HS3ST4: variants seen among roughly 807,000 people sequenced by gnomAD.
The protein encoded by HS3ST4 is heparan sulfate glucosamine 3-O-sulfotransferase 4.
Under a neutral mutation model 29.2 loss-of-function variants are expected in HS3ST4, and 17 were observed. That is an observed-to-expected ratio of 0.58 (90% confidence interval 0.40 to 0.87). HS3ST4 has a LOEUF of 0.87. Ranked by LOEUF, HS3ST4 falls within the 40% of genes least tolerant of loss-of-function variation. The pLI, the probability that HS3ST4 is intolerant of heterozygous loss-of-function variation, is 0.00. For missense variants in HS3ST4, 627 were observed against 634.5 expected, an observed-to-expected ratio of 0.99 and a Z score of 0.13; for synonymous variants, 314 against 285.7, an observed-to-expected ratio of 1.10 and a Z score of -1.00.
intron 1 of HS3ST4, among the ~76,000 whole-genome samples, chr16:26,116,578 TC>T (rs35632670): frequency 0.1 from 15,189 of 152,224 alleles, 950 homozygotes; most frequent in Admixed American, 0.17. Context: ...AAATATTGAG[TC>T]CATGATAGCA....
At chr16:25,699,966 T>C (rs535341030) in intron 1 of HS3ST4, among the ~76,000 whole-genome samples, 130 of 152,308 alleles carry the variant, frequency 8.5e-4, no homozygotes, top group African/African-American at 3.0e-3. Flanking sequence ...TTTTCTCTCT[T>C]ACTCTTCTCC....
At chr16:25,882,543 T>C in intron 1 of HS3ST4, among the ~76,000 whole-genome samples, 1 of 152,144 alleles carries the variant, frequency 6.6e-6, no homozygotes, top group Admixed American at 6.5e-5. Flanking sequence ...AACTGTATAA[T>C]GAAGGCATGT....
intron 1 of HS3ST4, among the ~76,000 whole-genome samples, chr16:26,003,494 C>A (rs558572921): frequency 6.6e-6 from 1 of 152,188 alleles, no homozygotes; most frequent in Non-Finnish European, 1.5e-5. Flanking sequence ...TTCCTGTTGA[C>A]TTTATTCTCA....
At chr16:25,823,895 T>G (rs147280973) in intron 1 of HS3ST4, among the ~76,000 whole-genome samples, 1 of 152,178 alleles carries the variant, frequency 6.6e-6, no homozygotes. Flanking sequence ...TATTCTCTTA[T>G]TTTTTGCCTT....
At chr16:25,841,919 T>C (rs1967417274) in intron 1 of HS3ST4, among the ~76,000 whole-genome samples, 1 of 152,262 alleles carries the variant, frequency 6.6e-6, no homozygotes, top group Non-Finnish European at 1.5e-5. Context: ...TAGAGGCTTA[T>C]AATCAGTACA....
intron 1 of HS3ST4, among the ~76,000 whole-genome samples, chr16:25,737,715 C>T (rs1477503630): frequency 6.6e-6 from 1 of 152,150 alleles, no homozygotes; most frequent in Non-Finnish European, 1.5e-5. Flanking sequence ...CACAACTGTA[C>T]TTGTACCCCT....
intron 1 of HS3ST4, among the ~76,000 whole-genome samples, chr16:26,018,669 G>T (rs955837728): frequency 6.6e-6 from 1 of 152,086 alleles, no homozygotes; most frequent in Non-Finnish European, 1.5e-5. Context: ...CTACTTTTGA[G>T]CATTTAACAT....
At chr16:25,843,818 G>C (rs1967439041) in intron 1 of HS3ST4, among the ~76,000 whole-genome samples, 1 of 152,184 alleles carries the variant, frequency 6.6e-6, no homozygotes, top group Non-Finnish European at 1.5e-5. Flanking sequence ...GCAAGTCTTA[G>C]ACTGCATTAT....
At chr16:25,708,241 G>A (rs531609649) in intron 1 of HS3ST4, among the ~76,000 whole-genome samples, 5 of 152,330 alleles carry the variant, frequency 3.3e-5, no homozygotes, top group South Asian at 2.1e-4. Flanking sequence ...GATACAAAAC[G>A]AGTGGCTCCT....
intron 1 of HS3ST4, among the ~76,000 whole-genome samples, chr16:25,903,329 G>GTATATGTATATATTATATATA (rs1567268714): frequency 2.0e-4 from 27 of 132,380 alleles, no homozygotes; most frequent in African/African-American, 7.4e-4. Flanking sequence ...TTATATATAT[G>GTATATGTATATATTATATATA]TATATGTATA....
chr16:25,891,736 C>A (rs910047073), intron 1 of HS3ST4, among the ~76,000 whole-genome samples: 3 of 152,152 alleles, frequency 2.0e-5, no homozygotes, highest in Middle Eastern at 3.2e-3. Context: ...TTTGTTGCCT[C>A]CATCTTTGGG....
At chr16:25,727,024 G>A (rs1302598601) in intron 1 of HS3ST4, among the ~76,000 whole-genome samples, 1 of 152,068 alleles carries the variant, frequency 6.6e-6, no homozygotes, top group Non-Finnish European at 1.5e-5. Context: ...CACTTCAAAT[G>A]CTCAAGCTAT....
intron 1 of HS3ST4, among the ~76,000 whole-genome samples, chr16:25,924,666 T>G (rs1325138383): frequency 6.6e-6 from 1 of 152,354 alleles, no homozygotes; most frequent in Non-Finnish European, 1.5e-5. Context: ...CTGCCTCTCC[T>G]GGCTTGCCTT....
intron 1 of HS3ST4, among the ~76,000 whole-genome samples, chr16:26,040,815 C>T (rs1365374633): frequency 2.6e-5 from 4 of 152,094 alleles, no homozygotes; most frequent in Non-Finnish European, 1.5e-5. Flanking sequence ...ATTTATACTT[C>T]CTGTATGCTA....
intron 1 of HS3ST4, among the ~76,000 whole-genome samples, chr16:25,931,406 C>T (rs1196565723): frequency 1.3e-5 from 2 of 152,214 alleles, no homozygotes; most frequent in Non-Finnish European, 2.9e-5. Context: ...TTAGGGGATG[C>T]ATTTTTATTT....
chr16:26,011,740 C>T (rs1475536786), intron 1 of HS3ST4, among the ~76,000 whole-genome samples: 1 of 116,128 alleles, frequency 8.6e-6, no homozygotes. Context: ...TGTGTGTGTG[C>T]ATGTGTGTAG....
At chr16:25,724,112 C>CAAAAAAAAAAAA (rs56115380) in intron 1 of HS3ST4, among the ~76,000 whole-genome samples, 1 of 77,266 alleles carries the variant, frequency 1.3e-5, no homozygotes, top group African/African-American at 4.9e-5. Context: ...GACTCCATCT[C>CAAAAAAAAAAAA]AAAAAAAAAA....
chr16:26,047,008 A>T (rs1161919148), intron 1 of HS3ST4, among the ~76,000 whole-genome samples: 2 of 151,336 alleles, frequency 1.3e-5, no homozygotes, highest in Non-Finnish European at 3.0e-5. Context: ...CTTGCAAAAT[A>T]AAAAAAAAGA....
chr16:25,803,063 A>G (rs1966955018), intron 1 of HS3ST4, among the ~76,000 whole-genome samples: 1 of 151,370 alleles, frequency 6.6e-6, no homozygotes, highest in Admixed American at 6.6e-5. Context: ...AGTTTTATGT[A>G]TATGTATTTC....
Sources: gnomAD v4.1 joint callset for allele counts (sites outside exome capture counted in the v4.1 genomes callset) on GRCh38, gnomAD v4.1.1 for gene constraint, MANE v1.5 for transcripts, NCBI Gene and HGNC (gene_info 2026-07-23, HGNC 2026-07-21) for gene names.